GRM8: variants seen among roughly 807,000 people sequenced by gnomAD.
GRM8 encodes glutamate metabotropic receptor 8.
Under a neutral mutation model 87.2 loss-of-function variants are expected in GRM8, and 47 were observed. The ratio of observed to expected loss-of-function variants is 0.54; its 90% CI spans 0.43 to 0.69. The LOEUF (loss-of-function observed/expected upper bound fraction) is 0.69. Ranked by LOEUF, GRM8 falls within the 30% of genes least tolerant of loss-of-function variation. GRM8 has a pLI of 0.00. For synonymous variants in GRM8, 396 were observed against 404.5 expected, an observed-to-expected ratio of 0.98 and a Z score of 0.25; for missense variants, 1,019 against 1,139.2, an observed-to-expected ratio of 0.89 and a Z score of 1.52.
At chr7:126,728,074 T>C (rs1021304895) in intron 7 of GRM8, among the ~76,000 whole-genome samples, 9 of 151,928 alleles carry the variant, frequency 5.9e-5, no homozygotes, top group African/African-American at 1.7e-4. Flanking sequence ...AGGAAGAAAA[T>C]TGTTGAGAAC....
intron 6 of GRM8, among the ~76,000 whole-genome samples, chr7:126,808,845 T>C (rs1187643455): frequency 6.6e-6 from 1 of 152,208 alleles, no homozygotes; most frequent in Non-Finnish European, 1.5e-5. Flanking sequence ...CTTTGCCTCC[T>C]CCATTACATT....
intron 6 of GRM8, among the ~76,000 whole-genome samples, chr7:126,821,821 A>G (rs1480886629): frequency 6.6e-6 from 1 of 152,122 alleles, no homozygotes; most frequent in Non-Finnish European, 1.5e-5. Flanking sequence ...CCTTTTCCGG[A>G]TCTGACCAGT....
At chr7:126,624,465 C>A (rs1282109566) in intron 7 of GRM8, among the ~76,000 whole-genome samples, 1 of 152,204 alleles carries the variant, frequency 6.6e-6, no homozygotes, top group Non-Finnish European at 1.5e-5. Flanking sequence ...AGCCTGATTT[C>A]TATCCCTGTC....
intron 9 of GRM8, among the ~76,000 whole-genome samples, chr7:126,475,847 C>T (rs746941771): frequency 7.9e-5 from 12 of 152,016 alleles, no homozygotes; most frequent in Middle Eastern, 3.4e-3. Flanking sequence ...ACAAGGGTTC[C>T]AAAAATATGC....
At chr7:127,158,845 C>G (rs1290009909) in intron 2 of GRM8, among the ~76,000 whole-genome samples, 1 of 151,716 alleles carries the variant, frequency 6.6e-6, no homozygotes, top group Admixed American at 6.6e-5. Flanking sequence ...GGTCTTTTTA[C>G]TGCCCCCTAG....
chr7:126,507,840 C>T (rs1163210650), intron 9 of GRM8, among the ~76,000 whole-genome samples: 1 of 151,990 alleles, frequency 6.6e-6, no homozygotes, highest in Non-Finnish European at 1.5e-5. Context: ...ACCCTAATTC[C>T]CTGTATGGCC....
At chr7:126,561,387 C>T (rs1793676499) in intron 8 of GRM8, among the ~76,000 whole-genome samples, 1 of 151,902 alleles carries the variant, frequency 6.6e-6, no homozygotes, top group Non-Finnish European at 1.5e-5. Flanking sequence ...AGAAGAATTG[C>T]TTGAACCCAG....
At chr7:126,448,444 C>A (rs1328042147) in intron 9 of GRM8, among the ~76,000 whole-genome samples, 2 of 151,810 alleles carry the variant, frequency 1.3e-5, no homozygotes, top group Non-Finnish European at 2.9e-5. Context: ...AAATAATAGT[C>A]TTCTCTTATT....
intron 8 of GRM8, among the ~76,000 whole-genome samples, chr7:126,561,036 C>T (rs916677810): frequency 6.6e-6 from 1 of 152,184 alleles, no homozygotes; most frequent in Non-Finnish European, 1.5e-5. Flanking sequence ...GTGACAGACA[C>T]ACTACATGGT....
chr7:126,603,455 T>G (rs895242108), intron 8 of GRM8, among the ~76,000 whole-genome samples: 1 of 151,702 alleles, frequency 6.6e-6, no homozygotes, highest in Non-Finnish European at 1.5e-5. Context: ...TGTCACTGTT[T>G]GCAGACGACA....
chr7:127,178,591 G>A (rs1419164163), intron 2 of GRM8, among the ~76,000 whole-genome samples: 2 of 152,174 alleles, frequency 1.3e-5, no homozygotes, highest in Non-Finnish European at 2.9e-5. Flanking sequence ...AAACTTAAGA[G>A]CTGTGAGACA....
At chr7:126,453,778 G>A (rs188584168) in intron 9 of GRM8, among the ~76,000 whole-genome samples, 14 of 151,730 alleles carry the variant, frequency 9.2e-5, no homozygotes, top group African/African-American at 3.4e-4. Flanking sequence ...AATAAAATGT[G>A]GTCTTTAATT....
At chr7:126,568,074 A>T (rs941880258) in intron 8 of GRM8, among the ~76,000 whole-genome samples, 2 of 152,202 alleles carry the variant, frequency 1.3e-5, no homozygotes, top group Non-Finnish European at 2.9e-5. Context: ...TTATTTGGTA[A>T]ACTAGTTAAA....
intron 8 of GRM8, among the ~76,000 whole-genome samples, chr7:126,605,124 A>G (rs1798223553): frequency 6.6e-6 from 1 of 152,108 alleles, no homozygotes; most frequent in Non-Finnish European, 1.5e-5. Context: ...TCCCCAGTAC[A>G]CGTTCTCCCT....
rs1804077577 is a variant in GRM8, at chr7:126,917,781, T to C, written c.728-13098A>G. On this transcript the variant is annotated intron_variant, in intron 3 of 10. Coordinates refer to ENST00000339582, the MANE Select transcript of GRM8 (RefSeq NM_000845.3). ...AACAGGTAAGGTGGTATATTCAAAA[T>C]GCGAACTTCAAAGTTTTACATCATC... 2.0e-5 allele frequency among the ~76,000 whole-genome samples: 3 copies of C among 152,314 alleles called. No individual in the cohort carries two copies. In the South Asian group the frequency reaches 6.2e-4, roughly 32 times the overall value.
intron 2 of GRM8, among the ~76,000 whole-genome samples, chr7:127,195,683 C>G (rs1032243094): frequency 2.6e-5 from 4 of 152,130 alleles, no homozygotes; most frequent in African/African-American, 9.7e-5. Flanking sequence ...CCAGACTTAA[C>G]TCAGGTGATT....
intron 9 of GRM8, among the ~76,000 whole-genome samples, chr7:126,477,232 G>C (rs1326178110): frequency 6.6e-6 from 1 of 152,044 alleles, no homozygotes; most frequent in African/African-American, 2.4e-5. Context: ...CTTGCCAGGA[G>C]CTGGTGGGTG....
chr7:126,738,062 G>A (rs893327537), intron 7 of GRM8, among the ~76,000 whole-genome samples: 2 of 152,066 alleles, frequency 1.3e-5, no homozygotes, highest in African/African-American at 4.8e-5. Context: ...GAATTATTCA[G>A]GAAAAGGAAC....
chr7:126,507,940 C>T (rs1375932222), intron 9 of GRM8, among the ~76,000 whole-genome samples: 2 of 151,946 alleles, frequency 1.3e-5, no homozygotes, highest in Non-Finnish European at 2.9e-5. Flanking sequence ...TTCTCTCTCT[C>T]CCCATCCCCT....
Sources: gnomAD v4.1 joint callset for allele counts (sites outside exome capture counted in the v4.1 genomes callset) on GRCh38, gnomAD v4.1.1 for gene constraint, MANE v1.5 for transcripts, NCBI Gene and HGNC (gene_info 2026-07-23, HGNC 2026-07-21) for gene names.